The following ACTN2 variants were observed in gnomAD, a reference collection of about 807,000 sequenced individuals.
The protein encoded by ACTN2 is actinin alpha 2, also known as alpha-actinin-2.
A neutral mutation model predicts 113.8 loss-of-function variants in ACTN2; 39 were observed. That is an observed-to-expected ratio of 0.34 (90% CI 0.27 to 0.45). ACTN2 has a LOEUF of 0.45. Among genes scored for constraint, ACTN2 ranks in the 20% least tolerant of loss-of-function variants. The probability of loss-of-function intolerance (pLI) is 1.00; values close to 1 mark genes in which losing one functional copy is unlikely to be tolerated. For missense variants in ACTN2, 992 were observed against 1,177.9 expected, an observed-to-expected ratio of 0.84 and a Z score of 2.31; for synonymous variants, 429 against 444.1, an observed-to-expected ratio of 0.97 and a Z score of 0.43.
At chr1:236,703,433 C>CTTTTTTTTTTTTT (rs35432183) in intron 1 of ACTN2, among the ~76,000 whole-genome samples, 3 of 98,838 alleles carry the variant, frequency 3.0e-5, no homozygotes, top group Admixed American at 1.1e-4. Context: ...GGCCTACTAC[C>CTTTTTTTTTTTTT]TTTTTTTTTT....
intron 6 of ACTN2, among the ~76,000 whole-genome samples, chr1:236,729,651 A>G (rs2102909345): frequency 6.6e-6 from 1 of 152,350 alleles, no homozygotes; most frequent in South Asian, 2.1e-4. Context: ...CCTAAAGGTT[A>G]AGAATGAAAT....
Position 236,686,621 on chromosome 1 carries a change from C to T in ACTN2, c.-53C>T. The T allele has an allele frequency of 1.3e-6, 2 of 1,512,360 alleles. No individual in the cohort carries two copies. Among genetic ancestry groups the T allele is most frequent in the Non-Finnish European group, 1.8e-6 (2 of 1,128,562 alleles). The allele number at this position is 1,512,360 out of a possible 1,614,324, so 93.7% of individuals were successfully genotyped here. On this transcript the variant is annotated 5_prime_UTR_variant, in exon 1 of 21. Coordinates refer to ENST00000366578, the MANE Select transcript of ACTN2 (RefSeq NM_001103.4). ...CTCCGTGGGTCCGTTTGCCAGTCAG[C>T]CCGTGCGTCCGAGCCCCTCGCGCCC...
intron 1 of ACTN2, among the ~76,000 whole-genome samples, chr1:236,694,192 T>A (rs1657393236): frequency 6.6e-6 from 1 of 151,604 alleles, no homozygotes. Context: ...TCACACAGAG[T>A]CTGCACTGAC....
intron 18 of ACTN2, 80 bp from the exon 19 acceptor site, chr1:236,759,644 A>G: frequency 8.2e-7 from 1 of 1,223,898 alleles, no homozygotes; most frequent in Non-Finnish European, 1.2e-6. Flanking sequence ...TTCTCTTACC[A>G]GATCTTTGTT....
At chr1:236,715,355 T>C (rs1658161231) in intron 1 of ACTN2, among the ~76,000 whole-genome samples, 2 of 133,812 alleles carry the variant, frequency 1.5e-5, no homozygotes, top group African/African-American at 5.7e-5. Flanking sequence ...AGAAACCTAT[T>C]ACTCATTCAA....
At chr1:236,729,699 G>A (rs1411338062) in intron 6 of ACTN2, among the ~76,000 whole-genome samples, 1 of 152,170 alleles carries the variant, frequency 6.6e-6, no homozygotes, top group African/African-American at 2.4e-5. Flanking sequence ...CTTTTTCCCA[G>A]CTTTTCAATG....
At chr1:236,709,314 A>ATG (rs1657945049) in intron 1 of ACTN2, among the ~76,000 whole-genome samples, 1 of 141,272 alleles carries the variant, frequency 7.1e-6, no homozygotes, top group Non-Finnish European at 1.5e-5. Context: ...ATACGTATAT[A>ATG]TGTATATATA....
chr1:236,742,043 G>T (rs138229723), intron 10 of ACTN2, among the ~76,000 whole-genome samples: 2 of 151,962 alleles, frequency 1.3e-5, no homozygotes, highest in African/African-American at 2.4e-5. Context: ...AGGAGCCCTC[G>T]TTTCCTACTT....
chr1:236,719,155 G>C (rs908976310), intron 3 of ACTN2, 142 bp downstream of exon 3: 1 of 1,143,840 alleles, frequency 8.7e-7, no homozygotes, highest in Non-Finnish European at 1.3e-6. Flanking sequence ...TAGGGCGCTC[G>C]GTGCACAAAG....
rs755509475 is a variant in ACTN2, at chr1:236,744,795, C to T, written c.1406+19C>T. 25 of 1,613,974 alleles carry T rather than the reference C, an allele frequency of 1.5e-5. No individual in the cohort carries two copies. The East Asian group carries it at 1.8e-4, about 12-fold the overall frequency. On this transcript the variant is annotated intron_variant, in intron 12 of 20. Transcript: ENST00000366578. ...AGCTCAAGTATGTGCAGATGCCCTC[C>T]GTCCTCCCGGGAGCCCCTGGGATTC... is the stretch of plus-strand genomic sequence containing the variant.
intron 8 of ACTN2, among the ~76,000 whole-genome samples, chr1:236,736,265 T>G (rs1204713825): frequency 6.6e-6 from 1 of 152,234 alleles, no homozygotes; most frequent in Non-Finnish European, 1.5e-5. Context: ...TTTCTGCATA[T>G]TCACCTGTTT....
At chr1:236,710,238 C>T (rs143588626) in intron 1 of ACTN2, among the ~76,000 whole-genome samples, 3 of 152,282 alleles carry the variant, frequency 2.0e-5, no homozygotes, top group African/African-American at 7.2e-5. Flanking sequence ...ACTTTTCCTA[C>T]CCTTACCTTA....
intron 12 of ACTN2, among the ~76,000 whole-genome samples, chr1:236,746,191 A>AG (rs1215720590): frequency 2.6e-4 from 40 of 151,594 alleles, no homozygotes; most frequent in Non-Finnish European, 1.5e-5. Flanking sequence ...AAAGAAAGAA[A>AG]AAAAAAAAGA....
intron 17 of ACTN2, among the ~76,000 whole-genome samples, chr1:236,755,888 A>G (rs1375252726): frequency 5.2e-5 from 2 of 38,376 alleles, no homozygotes; most frequent in Non-Finnish European, 1.0e-4. Context: ...TATACTGCAG[A>G]GTGCCCGCTG....
rs707203 is a variant in ACTN2, at chr1:236,734,333, A to G, written c.698-1302A>G. The stretch of plus-strand genomic sequence containing the variant: ...TAGGAACATAAGTGTATGGGGGCGA[A>G]GGGGGAGGATTCCTGATTCCAACAC... On this transcript the variant is annotated intron_variant, in intron 7 of 20. Coordinates refer to ENST00000366578, the MANE Select transcript of ACTN2 (RefSeq NM_001103.4). 764,139 of 764,188 alleles carry G rather than the reference A, an allele frequency of 1. 382,045 individuals are homozygous for G. Among genetic ancestry groups the G allele is most frequent in the Middle Eastern group, 1 (4,224 of 4,224 alleles). 47.3% of individuals were successfully genotyped at this position (764,188 alleles called of 1,614,324 possible). A position where few individuals can be genotyped will look rare whatever the true frequency, so the allele number is the denominator to read the frequency against.
rs1659276507 is a variant in ACTN2 at position 236,747,672 on chromosome 1, T to A, written c.1412T>A (p.Leu471Gln). 1 of 1,613,872 alleles carries A rather than the reference T, an allele frequency of 6.2e-7. No individual in the cohort carries two copies. ...TTTATTTTCACTTTTAATAGTGAACTGGACTATCACGACGCTGTGAATGTC... is the reference window on the plus strand; with the variant it reads ...TTTATTTTCACTTTTAATAGTGAACAGGACTATCACGACGCTGTGAATGTC... The part of the protein sequence containing the change: ...IAAIAQELNE[L>Q]DYHDAVNVND... Residue 471 changes from leucine (L) to glutamine (Q), a missense_variant, in exon 13 of 21, where the codon CTG (leucine) becomes CAG (glutamine). Transcript: ENST00000366578.
chr1:236,699,755 A>G (rs1657619997), intron 1 of ACTN2, among the ~76,000 whole-genome samples: 1 of 152,198 alleles, frequency 6.6e-6, no homozygotes, highest in Non-Finnish European at 1.5e-5. Context: ...CTGTTTATTT[A>G]AAGTTTTATT....
chr1:236,696,850 G>A (rs1661904746), intron 1 of ACTN2, among the ~76,000 whole-genome samples: 1 of 152,134 alleles, frequency 6.6e-6, no homozygotes, highest in Non-Finnish European at 1.5e-5. Flanking sequence ...ATTTCTAGTA[G>A]AGATGGGGTT....
At chr1:236,736,730 C>T in intron 8 of ACTN2, 1 of 1,030,262 alleles carries the variant, frequency 9.7e-7, no homozygotes, top group East Asian at 2.6e-5. Flanking sequence ...TAATGTTATT[C>T]AGGGAGTCTC....
Sources: allele counts gnomAD v4.1 joint callset (sites outside exome capture counted in the v4.1 genomes callset), GRCh38; gene constraint gnomAD v4.1.1; transcripts MANE v1.5; gene names NCBI Gene and HGNC (gene_info 2026-07-23, HGNC 2026-07-21).